PRKG1: variants seen among roughly 807,000 people sequenced by gnomAD.
PRKG1 encodes protein kinase cGMP-dependent 1.
PRKG1 carries 35 observed loss-of-function variants against 88.1 expected under a neutral mutation model. The observed-to-expected ratio is 0.40, with a 90% confidence interval of 0.30 to 0.53. The LOEUF (loss-of-function observed/expected upper bound fraction) is 0.53. Among genes scored for constraint, PRKG1 ranks in the 20% least tolerant of loss-of-function variants. The pLI, the probability that PRKG1 is intolerant of heterozygous loss-of-function variation, is 0.59. For missense variants in PRKG1, 540 were observed against 839.8 expected (o/e 0.64, Z 4.41); for synonymous variants, 303 against 292.5 (o/e 1.04, Z -0.37).
intron 1 of PRKG1, among the ~76,000 whole-genome samples, chr10:51,126,693 A>C (rs941715752): frequency 6.6e-6 from 1 of 152,086 alleles, no homozygotes; most frequent in African/African-American, 2.4e-5. Flanking sequence ...AACTGGAGGC[A>C]TCAGGCTACC....
intron 3 of PRKG1, among the ~76,000 whole-genome samples, chr10:51,643,238 T>C (rs1564586922): frequency 6.6e-6 from 1 of 152,226 alleles, no homozygotes; most frequent in African/African-American, 2.4e-5. Context: ...TTTCTACATC[T>C]TAAAATGTTT....
intron 7 of PRKG1, among the ~76,000 whole-genome samples, chr10:52,078,414 G>C (rs1285423365): frequency 1.3e-5 from 2 of 152,252 alleles, no homozygotes; most frequent in East Asian, 3.9e-4. Flanking sequence ...AAGGATTTGA[G>C]ATTGCGGAAA....
intron 2 of PRKG1, among the ~76,000 whole-genome samples, chr10:51,309,184 GA>G (rs1375037432): frequency 2.0e-5 from 3 of 152,138 alleles, no homozygotes; most frequent in African/African-American, 7.2e-5. Context: ...ACAAAGAACA[GA>G]AGGATGGGTT....
At chr10:51,693,137 A>C (rs1841187487) in intron 3 of PRKG1, among the ~76,000 whole-genome samples, 1 of 151,686 alleles carries the variant, frequency 6.6e-6, no homozygotes, top group African/African-American at 2.4e-5. Flanking sequence ...AAACTACAAA[A>C]ATCAGCCAGG....
chr10:51,178,669 C>T (rs1192669223), intron 2 of PRKG1, among the ~76,000 whole-genome samples: 2 of 152,008 alleles, frequency 1.3e-5, no homozygotes, highest in Non-Finnish European at 2.9e-5. Context: ...ATGTAAATAT[C>T]CCAAATCCTT....
chr10:51,003,585 C>G (rs1478506248), intron 1 of PRKG1, among the ~76,000 whole-genome samples: 1 of 152,226 alleles, frequency 6.6e-6, no homozygotes, highest in Non-Finnish European at 1.5e-5. Flanking sequence ...TGACTTTAAT[C>G]TCTTCTTAGC....
rs920252055 is a variant in PRKG1, at chr10:51,186,965, T to C, written c.478+33635T>C. ...TGCAAGGCCCTGTGTTATATATATATATATATATATATATATATGTATATA... is the reference window on the plus strand; with the variant it reads ...TGCAAGGCCCTGTGTTATATATATACATATATATATATATATATGTATATA... On this transcript the variant is annotated intron_variant, in intron 2 of 17. Coordinates refer to ENST00000373980, the MANE Select transcript of PRKG1 (RefSeq NM_006258.4). 2.4e-3 allele frequency among the ~76,000 whole-genome samples: 354 copies of C among 145,422 alleles called. 6 individuals carry two copies. Among genetic ancestry groups the C allele is most frequent in the African/African-American group, 8.6e-3 (342 of 39,896 alleles).
intron 2 of PRKG1, among the ~76,000 whole-genome samples, chr10:51,212,551 T>G (rs1470183514): frequency 6.6e-6 from 1 of 151,976 alleles, no homozygotes; most frequent in Non-Finnish European, 1.5e-5. Context: ...GGGAGAAAAT[T>G]TTTGCAACCT....
At chr10:51,867,638 G>T (rs550853823) in intron 4 of PRKG1, among the ~76,000 whole-genome samples, 31 of 152,280 alleles carry the variant, frequency 2.0e-4, no homozygotes, top group Admixed American at 8.5e-4. Flanking sequence ...GTAACTGTCG[G>T]AGGTGATATA....
chr10:51,697,670 G>A (rs766347859), intron 3 of PRKG1: 5 of 1,607,952 alleles, frequency 3.1e-6, no homozygotes, highest in Non-Finnish European at 4.2e-6. Context: ...TAAAATTTGA[G>A]ACTACAGCCA....
At chr10:51,535,417 A>G (rs1422767591) in intron 3 of PRKG1, among the ~76,000 whole-genome samples, 1 of 152,224 alleles carries the variant, frequency 6.6e-6, no homozygotes, top group Non-Finnish European at 1.5e-5. Flanking sequence ...ACCAATCAGA[A>G]CTTAAGTGAG....
At chr10:51,717,127 G>T (rs919607597) in intron 3 of PRKG1, among the ~76,000 whole-genome samples, 5 of 152,208 alleles carry the variant, frequency 3.3e-5, no homozygotes, top group African/African-American at 4.8e-5. Context: ...AGCCGTGAAA[G>T]CACCCTCAGG....
chr10:51,350,083 C>A (rs1178848166), intron 2 of PRKG1, among the ~76,000 whole-genome samples: 2 of 152,158 alleles, frequency 1.3e-5, no homozygotes, highest in Non-Finnish European at 2.9e-5. Context: ...GTGCTAATGA[C>A]TGTGCTGAGT....
intron 2 of PRKG1, among the ~76,000 whole-genome samples, chr10:51,351,397 T>C (rs1383017662): frequency 6.6e-6 from 1 of 152,196 alleles, no homozygotes; most frequent in East Asian, 1.9e-4. Flanking sequence ...TGTTCCTATT[T>C]CTCCACATCC....
chr10:51,734,118 C>T (rs1277577532), intron 3 of PRKG1, among the ~76,000 whole-genome samples: 2 of 151,812 alleles, frequency 1.3e-5, no homozygotes, highest in African/African-American at 4.8e-5. Context: ...TAAACCAAAC[C>T]TAAAAATTAC....
In PRKG1 at chr10:51,805,476, A is replaced by G. The variant is rs1372266742; in HGVS notation, c.698+786A>G. 2.0e-5 allele frequency among the ~76,000 whole-genome samples: 3 copies of G among 152,140 alleles called. No individual in the cohort carries two copies. The East Asian group carries it at 5.8e-4, about 29-fold the overall frequency. ...TTAAAAAGCACTTATTTTTAAAATT[A>G]CTTTTCTTTTGAAAACAGAGCCATT... On this transcript the variant is annotated intron_variant, in intron 4 of 17. Coordinates refer to ENST00000373980, the MANE Select transcript of PRKG1 (RefSeq NM_006258.4).
intron 2 of PRKG1, among the ~76,000 whole-genome samples, chr10:51,458,217 T>C (rs1183822865): frequency 6.6e-6 from 1 of 152,184 alleles, no homozygotes; most frequent in Non-Finnish European, 1.5e-5. Flanking sequence ...AAATGTATTA[T>C]ACCACTGGGT....
chr10:52,088,146 C>G (rs1846962817), intron 7 of PRKG1, among the ~76,000 whole-genome samples: 1 of 152,022 alleles, frequency 6.6e-6, no homozygotes, highest in African/African-American at 2.4e-5. Flanking sequence ...ATGCATATTA[C>G]TTTTTAAGGT....
chr10:51,612,762 A>G (rs1014655956), intron 3 of PRKG1, among the ~76,000 whole-genome samples: 4 of 152,010 alleles, frequency 2.6e-5, no homozygotes, highest in Non-Finnish European at 5.9e-5. Context: ...GGTTTATCAT[A>G]TAGGGCCTTT....
Sources: gnomAD v4.1 joint callset for allele counts (sites outside exome capture counted in the v4.1 genomes callset) on GRCh38, gnomAD v4.1.1 for gene constraint, MANE v1.5 for transcripts, NCBI Gene and HGNC (gene_info 2026-07-23, HGNC 2026-07-21) for gene names.